The following GCSAM variants were observed in gnomAD, a reference collection of about 807,000 sequenced individuals.
GCSAM encodes the protein germinal center associated signaling and motility.
GCSAM carries 8 observed loss-of-function variants against 17.6 expected under a neutral mutation model. The observed-to-expected ratio is 0.46, with a 90% CI of 0.27 to 0.82. The LOEUF is 0.82. Ranked by LOEUF, GCSAM falls within the 40% of genes least tolerant of loss-of-function variation. The pLI, the probability that GCSAM is intolerant of heterozygous loss-of-function variation, is 0.15. For missense variants in GCSAM, 192 were observed against 213.5 expected, an observed-to-expected ratio of 0.90 and a Z score of 0.63; for synonymous variants, 68 against 69.0, an observed-to-expected ratio of 0.98 and a Z score of 0.07.
intron 3 of GCSAM, 135 bp downstream of exon 3, chr3:112,127,882 T>A: frequency 1.5e-6 from 1 of 684,672 alleles, no homozygotes; most frequent in Non-Finnish European, 2.6e-6. Context: ...CTTCCCTGAT[T>A]AACTCTTAGG....
chr3:112,125,656 G>A lies in GCSAM; in HGVS notation c.191-402C>T, dbSNP rs555968500. ...CAGAAACATTCTCTGTCCTCAAAAG[G>A]CTCACAAGCTAGCACAGGAGACAGA... On this transcript the variant is annotated intron_variant, in intron 4 of 5. Transcript: ENST00000308910. Among the ~76,000 whole-genome samples the A allele has an allele frequency of 3.9e-5, 6 of 152,284 alleles. No homozygotes were observed. The South Asian group carries it at 1.2e-3, about 32-fold the overall frequency.
chr3:112,131,761 T>C (rs1016380481), intron 1 of GCSAM, among the ~76,000 whole-genome samples: 1 of 152,232 alleles, frequency 6.6e-6, no homozygotes, highest in African/African-American at 2.4e-5. Context: ...TCAAAACTTA[T>C]GTGAGTTGAT....
At position 112,123,687 on chromosome 3, in the gene GCSAM, G is replaced by GTATTCATCAGC. The variant is rs1559981952; in HGVS notation, c.304_305insGCTGATGAATA (p.Ser102CysfsTer2). 2 of 1,614,148 alleles carry GTATTCATCAGC rather than the reference G, an allele frequency of 1.2e-6. No homozygotes were observed. The highest frequency in any genetic ancestry group is 1.7e-6 in the Non-Finnish European group (2 of 1,179,990). The stretch of plus-strand genomic sequence containing the variant: ...AACATTCTCATAGTACTCTTCAGCA[G>GTATTCATCAGC]AGTTCCCTGATGGCCTTGTACAGAG... On this transcript the variant is annotated stop_gained and frameshift_variant, in exon 6 of 6. Coordinates refer to ENST00000308910, the MANE Select transcript of GCSAM (RefSeq NM_152785.5). LOFTEE classifies it low-confidence loss of function (END_TRUNC).
rs899095925 is a variant in GCSAM, at chr3:112,125,273, C to G, written c.191-19G>C. On this transcript the variant is annotated intron_variant, in intron 4 of 5. Coordinates refer to ENST00000308910, the MANE Select transcript of GCSAM (RefSeq NM_152785.5). Reference sequence around the variant, plus strand: ...CTTTCATCTGGAGAAAGAAAATACACTCAATGAATTTCAGGTTATGGGGAG... The same window carrying G: ...CTTTCATCTGGAGAAAGAAAATACAGTCAATGAATTTCAGGTTATGGGGAG... 1 of 1,543,140 alleles carries G rather than the reference C, an allele frequency of 6.5e-7. No homozygotes were observed. Among genetic ancestry groups the G allele is most frequent in the Non-Finnish European group, 9.0e-7 (1 of 1,115,478 alleles).
chr3:112,133,021 T>C, intron 1 of GCSAM, 71 bp downstream of exon 1: 3 of 1,514,748 alleles, frequency 2.0e-6, no homozygotes, highest in Non-Finnish European at 2.7e-6. Flanking sequence ...TATACTAGCT[T>C]TCTTTTTCTC....
Position 112,123,492 on chromosome 3 carries a change from A to G in GCSAM, c.500T>C (p.Leu167Pro). 1 of 1,614,148 alleles carries G rather than the reference A, an allele frequency of 6.2e-7. No homozygotes were observed. The highest frequency in any genetic ancestry group is 8.5e-7 in the Non-Finnish European group (1 of 1,180,006). The part of the protein sequence containing the change: ...SSHFLQQPRP[L>P]MAPSETQFSH... The stretch of plus-strand genomic sequence containing the variant: ...AAACTGAGTCTCAGAAGGGGCCATA[A>G]GTGGACGTGGCTGTTGCAGAAAGTG... Residue 167 changes from leucine (L) to proline (P), a missense_variant, in exon 6 of 6, where the codon CTT becomes CCT. Physicochemically the swap from Leu to Pro is moderately conservative, Grantham distance 98. Coordinates refer to ENST00000308910, the MANE Select transcript of GCSAM (RefSeq NM_152785.5).
rs370580380 is a variant in GCSAM at position 112,125,259 on chromosome 3, A to G, written c.191-5T>C. 1.3e-6 allele frequency: 2 copies of G among 1,568,194 alleles called. No individual in the cohort carries two copies. The highest frequency in any genetic ancestry group is 1.4e-5 in the African/African-American group (1 of 73,946). ...GAGTAGATGACATTCTTTCATCTGG[A>G]GAAAGAAAATACACTCAATGAATTT... On this transcript the variant is annotated splice_polypyrimidine_tract_variant and splice_region_variant and intron_variant, in intron 4 of 5. Coordinates refer to ENST00000308910, the MANE Select transcript of GCSAM (RefSeq NM_152785.5).
intron 4 of GCSAM, among the ~76,000 whole-genome samples, chr3:112,126,653 G>A (rs1027432589): frequency 2.0e-5 from 3 of 152,184 alleles, no homozygotes; most frequent in Non-Finnish European, 4.4e-5. Flanking sequence ...ACTTGGCCAG[G>A]AGGCCCCACC....
chr3:112,126,269 G>A (rs2074315446), intron 4 of GCSAM, among the ~76,000 whole-genome samples: 1 of 152,174 alleles, frequency 6.6e-6, no homozygotes, highest in Non-Finnish European at 1.5e-5. Context: ...AAGATTCTAT[G>A]TAAATGAATT....
chr3:112,131,056 T>C (rs963621195), intron 1 of GCSAM: 7 of 156,780 alleles, frequency 4.5e-5, no homozygotes, highest in Non-Finnish European at 9.9e-5. Context: ...TTGTTGGGAA[T>C]TGGGAGTATG....
intron 1 of GCSAM, 168 bp downstream of exon 1, chr3:112,132,924 A>C (rs1221050209): frequency 9.6e-6 from 6 of 623,414 alleles, no homozygotes; most frequent in Non-Finnish European, 1.1e-5. Flanking sequence ...TGGGAAATTT[A>C]ATGTGGTATC....
intron 5 of GCSAM, 57 bp downstream of exon 5, chr3:112,125,169 A>G: frequency 9.0e-7 from 1 of 1,107,554 alleles, no homozygotes; most frequent in Non-Finnish European, 1.4e-6. Flanking sequence ...CCTGCCATTT[A>G]GGGTGTCTGT....
intron 1 of GCSAM, 98 bp downstream of exon 1, chr3:112,132,994 A>T (rs2074494587): frequency 8.0e-7 from 1 of 1,243,444 alleles, no homozygotes; most frequent in African/African-American, 1.5e-5. Context: ...TTCTACCCCA[A>T]CTTAGTGTGC....
rs1257234008 is a variant in GCSAM, at chr3:112,121,223, TTTC to T, written c.*2229_*2231del. 22 of 152,234 alleles carry T rather than the reference TTTC, an allele frequency of 1.4e-4. 2 individuals carry two copies. Among genetic ancestry groups the T allele is most frequent in the Admixed American group, 9.8e-4 (15 of 15,282 alleles). The allele number at this position is 152,234 out of a possible 1,614,324, so 9.4% of individuals were successfully genotyped here. A position where few individuals can be genotyped will look rare whatever the true frequency, so the allele number is the denominator to read the frequency against. On this transcript the variant is annotated 3_prime_UTR_variant, in exon 6 of 6. Transcript: ENST00000308910. ...AACTTACTATGTCATACTAAGAATATTTCAACCAGTCTACTTCCACAATGGTCC... is the reference window on the plus strand; with the variant it reads ...AACTTACTATGTCATACTAAGAATATAACCAGTCTACTTCCACAATGGTCC...
chr3:112,131,746 CAA>C lies in GCSAM; in HGVS notation c.30-1235_30-1234del, dbSNP rs1417027221. Among the ~76,000 whole-genome samples, 5 of 152,202 alleles carry C rather than the reference CAA, an allele frequency of 3.3e-5. No individual in the cohort carries two copies. The East Asian group carries it at 9.6e-4, about 29-fold the overall frequency. On this transcript the variant is annotated intron_variant, in intron 1 of 5. Coordinates refer to ENST00000308910, the MANE Select transcript of GCSAM (RefSeq NM_152785.5). ...ATATATGTTGCCAAATGTAAAATAA[CAA>C]AATCAAAACTTATGTGAGTTGATTT...
At chr3:112,128,234 A>T in intron 2 of GCSAM, 173 bp from the exon 3 acceptor site, 7 of 706,988 alleles carry the variant, frequency 9.9e-6, no homozygotes, top group Non-Finnish European at 1.8e-5. Flanking sequence ...TCTTCCTAGG[A>T]TGAAGATGAT....
Position 112,130,597 on chromosome 3 carries a change from A to G in GCSAM, c.30-84T>C, listed in dbSNP as rs1227321242. On this transcript the variant is annotated intron_variant, in intron 1 of 5. Coordinates refer to ENST00000308910, the MANE Select transcript of GCSAM (RefSeq NM_152785.5). Reference sequence around the variant, plus strand: ...TTTCATAATTTTTCCGACTTTCCTCATTTCTGCTATTTGTGTGTAACTCAG... The same window carrying G: ...TTTCATAATTTTTCCGACTTTCCTCGTTTCTGCTATTTGTGTGTAACTCAG... The G allele has an allele frequency of 6.0e-6, 7 of 1,175,908 alleles. No homozygotes were observed. The East Asian group carries it at 9.3e-5, about 16-fold the overall frequency. 72.8% of individuals were successfully genotyped at this position (1,175,908 alleles called of 1,614,324 possible).
In GCSAM at chr3:112,123,659, G is replaced by C; in HGVS notation, c.333C>G (p.Pro111=). ...NSAEEYYENV[P]CKAERPRESL... is the part of the protein sequence containing the mutation. ...ACTCTCTGGGTCTCTCAGCTTTGCA[G>C]GGAACATTCTCATAGTACTCTTCAG... is the stretch of plus-strand genomic sequence containing the variant. The change falls in exon 6 of 6, where the codon CCC becomes CCG. Residue 111 remains proline, a synonymous_variant. Coordinates refer to ENST00000308910, the MANE Select transcript of GCSAM (RefSeq NM_152785.5). 1.2e-6 allele frequency: 2 copies of C among 1,614,150 alleles called. No individual in the cohort carries two copies. The highest frequency in any genetic ancestry group is 1.7e-6 in the Non-Finnish European group (2 of 1,180,012).
Position 112,127,045 on chromosome 3 carries a change from A to G in GCSAM, c.144-12T>C, listed in dbSNP as rs1437478460. The G allele has an allele frequency of 1.3e-6, 2 of 1,547,460 alleles. No homozygotes were observed. The highest frequency in any genetic ancestry group is 2.7e-5 in the African/African-American group (2 of 73,402). On this transcript the variant is annotated splice_polypyrimidine_tract_variant and intron_variant, in intron 3 of 5. Coordinates refer to ENST00000308910, the MANE Select transcript of GCSAM (RefSeq NM_152785.5). ...TGAGTATTTTTTTCCTGTAAAAGAA[A>G]AGCAAAGCAAATTGTTTTAATATTC...
Sources: gnomAD v4.1 joint callset for allele counts (sites outside exome capture counted in the v4.1 genomes callset) on GRCh38, gnomAD v4.1.1 for gene constraint, MANE v1.5 for transcripts, NCBI Gene and HGNC (gene_info 2026-07-23, HGNC 2026-07-21) for gene names.